Variants in KCTD13 observed in about 807,000 individuals in gnomAD.
KCTD13 encodes potassium channel tetramerization domain containing 13, also known as BTB/POZ domain-containing adapter for CUL3-mediated RhoA degradation protein 1.
Under a neutral mutation model 32.3 loss-of-function variants are expected in KCTD13, and 15 were observed. That is an observed-to-expected ratio of 0.46 (90% CI 0.31 to 0.71). The LOEUF is 0.71. Among genes scored for constraint, KCTD13 ranks in the 30% least tolerant of loss-of-function variants. The pLI is 0.05. For missense variants in KCTD13, 337 were observed against 452.6 expected, an observed-to-expected ratio of 0.74 and a Z score of 2.32; for synonymous variants, 189 against 200.1, an observed-to-expected ratio of 0.94 and a Z score of 0.47.
Position 29,915,837 on chromosome 16 carries a change from C to T in KCTD13, c.415-3788G>A, listed in dbSNP as rs546840124. Among the ~76,000 whole-genome samples, 11 of 152,254 alleles carry T rather than the reference C, an allele frequency of 7.2e-5. No individual in the cohort carries two copies. The East Asian group carries it at 2.1e-3, about 29-fold the overall frequency. ...TCAGCTTGACCTTTAGACCACATTT[C>T]CCTGTATTTAATGCCTTGTATTTAA... On this transcript the variant is annotated intron_variant, in intron 2 of 5. Transcript: ENST00000568000.
chr16:29,913,016 C>T (rs2068744107), intron 2 of KCTD13: 1 of 152,138 alleles, frequency 6.6e-6, no homozygotes, highest in Non-Finnish European at 1.5e-5. Flanking sequence ...ACCTTGAAAA[C>T]TCAATGCGCA....
intron 2 of KCTD13, among the ~76,000 whole-genome samples, chr16:29,918,121 T>C (rs1389643344): frequency 6.6e-6 from 1 of 152,224 alleles, no homozygotes; most frequent in Non-Finnish European, 1.5e-5. Context: ...AATAATCTCA[T>C]GTAATAATGT....
intron 4 of KCTD13, 131 bp downstream of exon 4, chr16:29,911,684 G>A (rs1056474389): frequency 1.1e-5 from 10 of 935,212 alleles, no homozygotes; most frequent in East Asian, 7.9e-5. Flanking sequence ...GGTAAGAGGC[G>A]AAGCCGAATC....
At position 29,926,175 on chromosome 16, in the gene KCTD13, G is replaced by T. The variant is rs372116603; in HGVS notation, c.-142C>A. The T allele has an allele frequency of 5.2e-5, 51 of 986,542 alleles. No homozygotes were observed. The Middle Eastern group carries it at 1.7e-3, about 33-fold the overall frequency. The allele number at this position is 986,542 out of a possible 1,614,324, so 61.1% of individuals were successfully genotyped here. The stretch of plus-strand genomic sequence containing the variant: ...CTCACCGCAGCTACTCTGCAAGACC[G>T]GCCCTCCGCCCCATCTCGCTCGCAC... On this transcript the variant is annotated 5_prime_UTR_variant, in exon 1 of 6. Coordinates refer to ENST00000568000, the MANE Select transcript of KCTD13 (RefSeq NM_178863.5).
At chr16:29,911,638 G>A (rs1370446684) in intron 4 of KCTD13, 177 bp downstream of exon 4, 2 of 631,270 alleles carry the variant, frequency 3.2e-6, no homozygotes, top group Non-Finnish European at 5.6e-6. Flanking sequence ...CTGAGCTGAA[G>A]CTGAGAAGCA....
Position 29,926,007 on chromosome 16 carries a change from A to T in KCTD13, c.27T>A (p.Ala9=), listed in dbSNP as rs1445790512. The T allele has an allele frequency of 1.9e-6, 3 of 1,576,154 alleles. No individual in the cohort carries two copies. The highest frequency in any genetic ancestry group is 4.6e-5 in the East Asian group (2 of 43,636). The change falls in exon 1 of 6, where the codon GCT becomes GCA. Residue 9 remains alanine, a synonymous_variant. Transcript: ENST00000568000. Reference sequence around the variant, plus strand: ...CTTCCAGGGACGGGGCCGCGGCGGCAGCCGGGCCCGAGGCCTCCGCCGACA... The same window carrying T: ...CTTCCAGGGACGGGGCCGCGGCGGCTGCCGGGCCCGAGGCCTCCGCCGACA... MSAEASGP[A]AAAAPSLEAP... is the part of the protein sequence containing the mutation.
intron 2 of KCTD13, 63 bp from the exon 3 acceptor site, chr16:29,912,112 A>C: frequency 8.8e-7 from 1 of 1,131,836 alleles, no homozygotes; most frequent in Non-Finnish European, 1.3e-6. Flanking sequence ...CCCACTTAAA[A>C]GCCTTCAAAA....
intron 5 of KCTD13, among the ~76,000 whole-genome samples, chr16:29,909,999 T>A (rs2068677691): frequency 1.3e-5 from 2 of 151,002 alleles, no homozygotes; most frequent in South Asian, 4.2e-4. Flanking sequence ...CTTGGGAGGC[T>A]GAGGCAGGAG....
At position 29,925,777 on chromosome 16, in the gene KCTD13, G is replaced by T; in HGVS notation, c.244+13C>A. 1 of 1,612,040 alleles carries T rather than the reference G, an allele frequency of 6.2e-7. No individual in the cohort carries two copies. The highest frequency in any genetic ancestry group is 8.5e-7 in the Non-Finnish European group (1 of 1,179,518). ...GGTCTGGGGTGGGGGCACGGTAGGGGCGCCGCTCGTACCTCCGGCATCGGT... is the reference window on the plus strand; with the variant it reads ...GGTCTGGGGTGGGGGCACGGTAGGGTCGCCGCTCGTACCTCCGGCATCGGT... On this transcript the variant is annotated intron_variant, in intron 1 of 5. Transcript: ENST00000568000.
chr16:29,913,264 CAA>C (rs1002586959), intron 2 of KCTD13: 3 of 151,668 alleles, frequency 2.0e-5, no homozygotes, highest in African/African-American at 7.3e-5. Flanking sequence ...AAAATAAGAG[CAA>C]AGAGGAAAGG....
chr16:29,912,267 C>G (rs2068727132), intron 2 of KCTD13: 2 of 582,388 alleles, frequency 3.4e-6, no homozygotes, highest in Non-Finnish European at 6.0e-6. Flanking sequence ...CAGCTTGTGC[C>G]TGCCCCGGCC....
chr16:29,907,028 G>C lies in KCTD13; in HGVS notation c.834C>G (p.Ala278=). The C allele has an allele frequency of 3.1e-6, 5 of 1,614,142 alleles. No homozygotes were observed. Among genetic ancestry groups the C allele is most frequent in the Non-Finnish European group, 4.2e-6 (5 of 1,179,992 alleles). The change falls in exon 6 of 6, where the codon GCC becomes GCG. Residue 278 remains alanine (A), a synonymous_variant. Coordinates refer to ENST00000568000, the MANE Select transcript of KCTD13 (RefSeq NM_178863.5). The stretch of plus-strand genomic sequence containing the variant: ...CTGCTCCCCCTGTGGCCTCCAGGAG[G>C]GCTGGGTCTGGGCCCCGGGGAGTCT... ...IYETPRGPDP[A]LLEATGGAAG...
intron 2 of KCTD13, chr16:29,913,461 A>G (rs1449401632): frequency 6.6e-6 from 1 of 152,234 alleles, no homozygotes; most frequent in African/African-American, 2.4e-5. Context: ...CGGAGTATGA[A>G]TTCGTTATCT....
chr16:29,922,267 C>G (rs781368117), intron 2 of KCTD13: 2 of 151,868 alleles, frequency 1.3e-5, no homozygotes, highest in Non-Finnish European at 2.9e-5. Context: ...GCTTCAAGAA[C>G]CAGTAAGTAT....
At chr16:29,909,095 G>C (rs932108029) in intron 5 of KCTD13, among the ~76,000 whole-genome samples, 1 of 152,066 alleles carries the variant, frequency 6.6e-6, no homozygotes, top group East Asian at 1.9e-4. Context: ...AGCTTCCACT[G>C]TGTGAAAAGG....
At chr16:29,925,171 G>A (rs552879569) in intron 1 of KCTD13, among the ~76,000 whole-genome samples, 1 of 152,254 alleles carries the variant, frequency 6.6e-6, no homozygotes, top group South Asian at 2.1e-4. Flanking sequence ...GTCCATACTT[G>A]AATGCAACAC....
In KCTD13 at chr16:29,906,711, G is replaced by A. The variant is rs1040673164; in HGVS notation, c.*161C>T. On this transcript the variant is annotated 3_prime_UTR_variant, in exon 6 of 6. Transcript: ENST00000568000. ...ACCATGTTGTTAGCAATGGGGTTGG[G>A]ATGGGTGGAGAAGGGCCAAAGTGAG... The A allele has an allele frequency of 3.1e-5, 21 of 685,540 alleles. 1 individual carries two copies. The highest frequency in any genetic ancestry group is 5.3e-5 in the Non-Finnish European group (20 of 379,980). 42.5% of individuals were successfully genotyped at this position (685,540 alleles called of 1,614,324 possible).
At chr16:29,916,170 T>C (rs1345949753) in intron 2 of KCTD13, among the ~76,000 whole-genome samples, 1 of 152,208 alleles carries the variant, frequency 6.6e-6, no homozygotes, top group African/African-American at 2.4e-5. Context: ...CAGTTTCCAA[T>C]AGCATTTTCC....
Position 29,907,106 on chromosome 16 carries a change from C to T in KCTD13, c.756G>A (p.Val252=), listed in dbSNP as rs2068626979. The T allele has an allele frequency of 6.2e-7, 1 of 1,601,812 alleles. No homozygotes were observed. Among genetic ancestry groups the T allele is most frequent in the African/African-American group, 1.3e-5 (1 of 74,562 alleles). Residue 252 remains valine, a splice_region_variant and synonymous_variant, in exon 6 of 6, where the codon GTG becomes GTA. Transcript: ENST00000568000. Reference sequence around the variant, plus strand: ...CGAAGATCCGGGCCTCTGGAAATTCCACCTGCAAAAGGCCAGCCGGCCCCA... The same window carrying T: ...CGAAGATCCGGGCCTCTGGAAATTCTACCTGCAAAAGGCCAGCCGGCCCCA... ...VYATEKKQTK[V]EFPEARIFEE...
Sources: allele counts gnomAD v4.1 joint callset (sites outside exome capture counted in the v4.1 genomes callset), GRCh38; gene constraint gnomAD v4.1.1; transcripts MANE v1.5; gene names NCBI Gene and HGNC (gene_info 2026-07-23, HGNC 2026-07-21).